Variants in CCDC61 observed in about 807,000 individuals in gnomAD.
CCDC61 encodes centrosomal protein CCDC61.
In CCDC61, 55 loss-of-function variants were observed where a neutral mutation model predicts 63.0. The observed-to-expected ratio is 0.87, with a 90% CI of 0.70 to 1.09. The LOEUF (loss-of-function observed/expected upper bound fraction) is 1.09. CCDC61 is among the 50% of genes least tolerant of loss of function. The probability of loss-of-function intolerance (pLI) is 0.00; values close to 1 mark genes in which losing one functional copy is unlikely to be tolerated. For synonymous variants in CCDC61, 270 were observed against 317.0 expected (o/e 0.85, Z 1.58); for missense variants, 651 against 731.4 (o/e 0.89, Z 1.27).
intron 5 of CCDC61, among the ~76,000 whole-genome samples, chr19:46,012,851 ATT>A (rs369632790): frequency 0.014 from 1,979 of 142,398 alleles, 17 homozygotes; most frequent in Middle Eastern, 0.028. Context: ...ACTTAATTTA[ATT>A]TTTTTTTTTT....
chr19:46,003,445 G>A lies in CCDC61; in HGVS notation c.175G>A (p.Gly59Arg), dbSNP rs1343343903. 1 of 1,613,612 alleles carries A rather than the reference G, an allele frequency of 6.2e-7. No homozygotes were observed. Among genetic ancestry groups the A allele is most frequent in the Non-Finnish European group, 8.5e-7 (1 of 1,179,818 alleles). The change falls in exon 3 of 14, where the codon GGG (glycine) becomes AGG (arginine). Residue 59 changes from glycine (G) to arginine (R), a missense_variant. Transcript: ENST00000595358. The part of the protein sequence containing the change: ...GFIEDLTHKT[G>R]NFKQFNIFCH... ...CATTGAAGATTTGACTCACAAGACA[G>A]GGAACTTCAAACAGTTCAACATCTT...
In CCDC61 at chr19:46,006,718, T is replaced by C; in HGVS notation, c.389+2T>C. The C allele has an allele frequency of 6.2e-7, 1 of 1,600,570 alleles. No homozygotes were observed. On this transcript the variant is annotated splice_donor_variant, in intron 4 of 13. Coordinates refer to ENST00000595358, the MANE Select transcript of CCDC61 (RefSeq NM_001267723.2). LOFTEE classifies it high-confidence loss of function. ...CATCTACTCCGTGGAGTTTGACAGG[T>C]GGGGAGAAGGGTCTGGCTCCAGGGC...
chr19:46,003,965 G>C (rs889562493), intron 3 of CCDC61, among the ~76,000 whole-genome samples: 2 of 151,646 alleles, frequency 1.3e-5, no homozygotes, highest in Non-Finnish European at 2.9e-5. Flanking sequence ...TTGAGATGGA[G>C]TCTCGCTCTG....
Position 46,016,411 on chromosome 19 carries a change from C to T in CCDC61, c.1091+18C>T. The stretch of plus-strand genomic sequence containing the variant: ...CAGATGAAGTCAGTGCCCCTTCCTC[C>T]CTCACCTGCCCCTGTCCCTGGCCCG... On this transcript the variant is annotated intron_variant, in intron 9 of 13. Coordinates refer to ENST00000595358, the MANE Select transcript of CCDC61 (RefSeq NM_001267723.2). The surrounding 1 kb of genome is among the most constrained non-coding windows in gnomAD (Gnocchi z 7.2). 1 of 1,612,372 alleles carries T rather than the reference C, an allele frequency of 6.2e-7. No homozygotes were observed. Among genetic ancestry groups the T allele is most frequent in the African/African-American group, 1.3e-5 (1 of 75,056 alleles).
intron 5 of CCDC61, among the ~76,000 whole-genome samples, chr19:46,010,931 T>C (rs1030765195): frequency 3.3e-5 from 5 of 152,370 alleles, no homozygotes; most frequent in African/African-American, 7.2e-5. Flanking sequence ...CCACTGCGTA[T>C]GCGTTCACAC....
chr19:46,004,083 C>T (rs995851384), intron 3 of CCDC61, among the ~76,000 whole-genome samples: 11 of 151,852 alleles, frequency 7.2e-5, no homozygotes, highest in South Asian at 2.1e-4. Context: ...GGATTACAGG[C>T]GCACGCCACC....
intron 1 of CCDC61, among the ~76,000 whole-genome samples, chr19:46,002,479 C>T (rs1431292872): frequency 1.4e-5 from 2 of 146,532 alleles, no homozygotes; most frequent in Non-Finnish European, 3.0e-5. Context: ...CTCACTCTGT[C>T]ACCCAGACTG....
chr19:46,012,346 C>A (rs963104119), intron 5 of CCDC61, among the ~76,000 whole-genome samples: 2 of 152,188 alleles, frequency 1.3e-5, no homozygotes, highest in African/African-American at 2.4e-5. Flanking sequence ...GTAACAACTA[C>A]CCAGGTTAAA....
Position 46,018,586 on chromosome 19 carries a change from A to G in CCDC61, c.*199A>G. On this transcript the variant is annotated 3_prime_UTR_variant, in exon 14 of 14. Coordinates refer to ENST00000595358, the MANE Select transcript of CCDC61 (RefSeq NM_001267723.2). This position sits in a 1 kb window ranked among gnomAD's most constrained non-coding sequence, Gnocchi z 4.2. Reference sequence around the variant, plus strand: ...GCATGCTGGGAGGGAGGATGTGTGCATTTTGTAAATAAACATATTTGCCCT... The same window carrying G: ...GCATGCTGGGAGGGAGGATGTGTGCGTTTTGTAAATAAACATATTTGCCCT... 1 of 551,450 alleles carries G rather than the reference A, an allele frequency of 1.8e-6. No individual in the cohort carries two copies. The highest frequency in any genetic ancestry group is 3.3e-6 in the Non-Finnish European group (1 of 305,260). 34.2% of individuals were successfully genotyped at this position (551,450 alleles called of 1,614,324 possible).
In CCDC61 at chr19:46,016,660, C is replaced by T. The variant is rs1181914095; in HGVS notation, c.1092-34C>T. On this transcript the variant is annotated intron_variant, in intron 9 of 13. Transcript: ENST00000595358. The surrounding 1 kb of genome is among the most constrained non-coding windows in gnomAD (Gnocchi z 7.2). ...GACCCCCTTGCCTGCAGGAGTTGGGCGTACAGACCGGCGTCTCCTTTCTTT... is the reference window on the plus strand; with the variant it reads ...GACCCCCTTGCCTGCAGGAGTTGGGTGTACAGACCGGCGTCTCCTTTCTTT... 6.2e-7 allele frequency: 1 copy of T among 1,609,136 alleles called. No homozygotes were observed. Among genetic ancestry groups the T allele is most frequent in the Admixed American group, 1.7e-5 (1 of 59,422 alleles).
At chr19:45,997,197 G>T (rs79959426) in intron 1 of CCDC61, among the ~76,000 whole-genome samples, 10,524 of 152,146 alleles carry the variant, frequency 0.069, 724 homozygotes, top group African/African-American at 0.16. Context: ...TGTACTCGCT[G>T]TCCTGTCCTT....
At chr19:45,996,986 TCTTCACC>T (rs1968505155) in intron 1 of CCDC61, among the ~76,000 whole-genome samples, 1 of 152,130 alleles carries the variant, frequency 6.6e-6, no homozygotes, top group Non-Finnish European at 1.5e-5. Flanking sequence ...ACTGCAAAAG[TCTTCACC>T]ATATCCACGA....
rs1159712707 is a variant in CCDC61 at position 46,016,007 on chromosome 19, GT to G, written c.846-44del. 8.1e-7 allele frequency: 1 copy of G among 1,233,008 alleles called. No individual in the cohort carries two copies. Among genetic ancestry groups the G allele is most frequent in the African/African-American group, 1.6e-5 (1 of 64,144 alleles). 76.4% of individuals were successfully genotyped at this position (1,233,008 alleles called of 1,614,324 possible). ...GGTCGGGGAGGAGTCTCGCGATTGA[GT>G]TTGTCGGGGCGGGCGGGAAGCTGAC... On this transcript the variant is annotated intron_variant, in intron 7 of 13. Transcript: ENST00000595358. This position sits in a 1 kb window ranked among gnomAD's most constrained non-coding sequence, Gnocchi z 7.2.
At chr19:45,997,722 T>C (rs1002757955) in intron 1 of CCDC61, among the ~76,000 whole-genome samples, 2 of 119,900 alleles carry the variant, frequency 1.7e-5, no homozygotes, top group African/African-American at 6.5e-5. Context: ...AGTCTCTCTC[T>C]GTCACCCAGG....
Position 46,018,403 on chromosome 19 carries a change from C to G in CCDC61, c.*16C>G. ...GCGGTCATAACGTGGAGAAGGGGTA[C>G]TACCCCTCCATCCCCCACCCACTTG... On this transcript the variant is annotated 3_prime_UTR_variant, in exon 14 of 14. Coordinates refer to ENST00000595358, the MANE Select transcript of CCDC61 (RefSeq NM_001267723.2). This position sits in a 1 kb window ranked among gnomAD's most constrained non-coding sequence, Gnocchi z 4.2. The G allele has an allele frequency of 4.6e-6, 7 of 1,535,532 alleles. No individual in the cohort carries two copies. Among genetic ancestry groups the G allele is most frequent in the Non-Finnish European group, 6.2e-6 (7 of 1,131,182 alleles).
Position 46,018,499 on chromosome 19 carries a change from C to A in CCDC61, c.*112C>A. 1 of 781,080 alleles carries A rather than the reference C, an allele frequency of 1.3e-6. No individual in the cohort carries two copies. The highest frequency in any genetic ancestry group is 2.1e-6 in the Non-Finnish European group (1 of 478,374). The allele number at this position is 781,080 out of a possible 1,614,324, so 48.4% of individuals were successfully genotyped here. ...CCCAGTCCCTGCCCTGGCCCCGTCC[C>A]TCCTGCTGCCCCTGGGGTCTCAGGT... On this transcript the variant is annotated 3_prime_UTR_variant, in exon 14 of 14. Transcript: ENST00000595358. The surrounding 1 kb of genome is among the most constrained non-coding windows in gnomAD (Gnocchi z 4.2).
At position 46,016,190 on chromosome 19, in the gene CCDC61, G is replaced by A. The variant is rs1398651107; in HGVS notation, c.982G>A (p.Gly328Ser). 2 of 1,365,424 alleles carry A rather than the reference G, an allele frequency of 1.5e-6. No homozygotes were observed. The highest frequency in any genetic ancestry group is 7.4e-5 in the Admixed American group (2 of 27,178). The allele number at this position is 1,365,424 out of a possible 1,614,324, so 84.6% of individuals were successfully genotyped here. Reference sequence around the variant, plus strand: ...GAGCGGCCGCGGGAGCCGGGGTCGGGGCCGCCCTGCGCGCCCCTCGCCCTC... The same window carrying A: ...GAGCGGCCGCGGGAGCCGGGGTCGGAGCCGCCCTGCGCGCCCCTCGCCCTC... ...RESGRGSRGR[G>S]RPARPSPSPT... Residue 328 changes from glycine (G) to serine (S), a missense_variant, in exon 8 of 14, where the codon GGC becomes AGC. Coordinates refer to ENST00000595358, the MANE Select transcript of CCDC61 (RefSeq NM_001267723.2). The surrounding 1 kb of genome is among the most constrained non-coding windows in gnomAD (Gnocchi z 7.2).
chr19:45,999,505 C>T, intron 1 of CCDC61, among the ~76,000 whole-genome samples: 1 of 151,892 alleles, frequency 6.6e-6, no homozygotes, highest in South Asian at 2.1e-4. Flanking sequence ...TGGTGGGGAG[C>T]TGCAGAGTGT....
At position 46,015,504 on chromosome 19, in the gene CCDC61, A is replaced by G; in HGVS notation, c.845+77A>G. On this transcript the variant is annotated intron_variant, in intron 7 of 13. Transcript: ENST00000595358. The surrounding 1 kb of genome is among the most constrained non-coding windows in gnomAD (Gnocchi z 5.3). ...GTGGAGGCTGATGAGGCGGAGCCTA[A>G]GGGGGCGGGGCGGGGCCAGGTAGGG... The G allele has an allele frequency of 5.4e-6, 1 of 184,046 alleles. No individual in the cohort carries two copies. The allele number at this position is 184,046 out of a possible 1,614,324, so 11.4% of individuals were successfully genotyped here.
Sources: allele counts gnomAD v4.1 joint callset (sites outside exome capture counted in the v4.1 genomes callset), GRCh38; gene constraint gnomAD v4.1.1; non-coding constraint Gnocchi (gnomAD v3.1); transcripts MANE v1.5; gene names NCBI Gene and HGNC (gene_info 2026-07-23, HGNC 2026-07-21).